The following YME1L1 variants were observed in gnomAD, a reference collection of about 807,000 sequenced individuals.
The protein encoded by YME1L1 is ATP-dependent zinc metalloprotease YME1L1.
In YME1L1, 39 loss-of-function variants were observed where a neutral mutation model predicts 90.4. The ratio of observed to expected loss-of-function variants is 0.43; its 90% CI spans 0.33 to 0.56. YME1L1 has a LOEUF of 0.56. Ranked by LOEUF, YME1L1 falls within the 20% of genes least tolerant of loss-of-function variation. The pLI, the probability that YME1L1 is intolerant of heterozygous loss-of-function variation, is 0.03. For missense variants in YME1L1, 617 were observed against 868.4 expected (o/e 0.71, Z 3.64); for synonymous variants, 284 against 287.3 (o/e 0.99, Z 0.12).
At chr10:27,151,697 C>G (rs375151816) in intron 1 of YME1L1, among the ~76,000 whole-genome samples, 1 of 151,854 alleles carries the variant, frequency 6.6e-6, no homozygotes, top group Admixed American at 6.6e-5. Flanking sequence ...CTGGCTAACA[C>G]GGTGAAACCC....
At chr10:27,112,650 A>G (rs746966464) in intron 18 of YME1L1, among the ~76,000 whole-genome samples, 1 of 152,144 alleles carries the variant, frequency 6.6e-6, no homozygotes, top group Non-Finnish European at 1.5e-5. Context: ...TCATTGTGCC[A>G]TCTGACAAAC....
intron 17 of YME1L1, 41 bp from the exon 18 acceptor site, chr10:27,114,648 C>G: frequency 6.9e-7 from 1 of 1,442,584 alleles, no homozygotes; most frequent in Non-Finnish European, 9.6e-7. Flanking sequence ...AGAAAACCCC[C>G]AAACACCAAC....
At chr10:27,113,232 A>T (rs1421742277) in intron 18 of YME1L1, among the ~76,000 whole-genome samples, 3 of 23,022 alleles carry the variant, frequency 1.3e-4, no homozygotes, top group Non-Finnish European at 2.0e-4. Flanking sequence ...AAAAAAAAAA[A>T]AAAAAAAAAA....
intron 17 of YME1L1, among the ~76,000 whole-genome samples, 193 bp from the exon 18 acceptor site, chr10:27,114,800 GGTGGATCACCTGAGGTTAGGA>G (rs1319126002): frequency 1.3e-5 from 2 of 152,160 alleles, no homozygotes; most frequent in African/African-American, 4.8e-5. Flanking sequence ...GGCCGAGGCG[GGTGGATCACCTGAGGTTAGGA>G]GTTCGAGACC....
Position 27,134,965 on chromosome 10 carries a change from T to C in YME1L1, c.557A>G (p.Asp186Gly). The C allele has an allele frequency of 6.2e-7, 1 of 1,612,536 alleles. No homozygotes were observed. The change falls in exon 6 of 19, where the codon GAC becomes GGC. Residue 186 changes from aspartate to glycine, a missense_variant. Physicochemically the swap from Asp to Gly is moderately conservative, Grantham distance 94. Around this residue, in one of 4 missense-constraint regions of YME1L1, gnomAD observed 311 missense variants for 335.8 expected, o/e 0.93. Transcript: ENST00000376016. ...CAAACTCTCAACATCTGATCCTCTG[T>C]CCCGCAAAAGAAACCCCTGAATACA... Reference protein sequence around the residue: ...PSFVKGFLLRDRGSDVESLDK... With the variant: ...PSFVKGFLLRGRGSDVESLDK...
intron 14 of YME1L1, among the ~76,000 whole-genome samples, chr10:27,118,437 C>T (rs966266490): frequency 1.6e-4 from 24 of 152,022 alleles, no homozygotes; most frequent in African/African-American, 5.6e-4. Context: ...GCATGCCACC[C>T]CACCCAACTA....
chr10:27,113,478 C>T (rs2056780566), intron 18 of YME1L1, among the ~76,000 whole-genome samples: 1 of 151,288 alleles, frequency 6.6e-6, no homozygotes, highest in South Asian at 2.1e-4. Flanking sequence ...TGAGATCAGC[C>T]TGGCCAACAT....
intron 1 of YME1L1, chr10:27,153,399 T>TA (rs1387404148): frequency 3.0e-6 from 1 of 332,370 alleles, no homozygotes; most frequent in African/African-American, 2.2e-5. Context: ...AATTATGTTT[T>TA]AAAAAAACTC....
chr10:27,148,876 CT>C, intron 2 of YME1L1, 29 bp downstream of exon 2: 1 of 1,611,818 alleles, frequency 6.2e-7, no homozygotes, highest in Non-Finnish European at 8.5e-7. Flanking sequence ...ATCAAAAAGG[CT>C]TTCTCACACA....
At chr10:27,143,699 T>TC (rs375512053) in intron 3 of YME1L1, among the ~76,000 whole-genome samples, 2 of 134,326 alleles carry the variant, frequency 1.5e-5, no homozygotes, top group Non-Finnish European at 3.1e-5. Context: ...CTCGTCTCTT[T>TC]AAAAAAAAAA....
intron 12 of YME1L1, among the ~76,000 whole-genome samples, chr10:27,120,843 T>C (rs1273778060): frequency 6.6e-6 from 1 of 152,174 alleles, no homozygotes; most frequent in Non-Finnish European, 1.5e-5. Flanking sequence ...CAACAAACTA[T>C]TATGAGAACC....
At chr10:27,114,962 G>A (rs1312284943) in intron 17 of YME1L1, among the ~76,000 whole-genome samples, 1 of 151,506 alleles carries the variant, frequency 6.6e-6, no homozygotes, top group African/African-American at 2.4e-5. Context: ...AGGAGGCGGT[G>A]GTTGCAGTAA....
chr10:27,133,897 T>TG (rs758125754), intron 7 of YME1L1, 142 bp downstream of exon 7: 37 of 477,674 alleles, frequency 7.7e-5, no homozygotes, highest in Non-Finnish European at 1.2e-4. Flanking sequence ...TCTGGGAAAC[T>TG]AACCACTACT....
chr10:27,116,341 G>A lies in YME1L1; in HGVS notation c.1724C>T (p.Ser575Phe). The change falls in exon 16 of 19, where the codon TCC (serine) becomes TTC (phenylalanine). Residue 575 changes from serine to phenylalanine, a missense_variant. Ser to Phe is a radical substitution (Grantham distance 155). Around this residue, in one of 4 missense-constraint regions of YME1L1, gnomAD observed 212 missense variants for 330.0 expected, o/e 0.64. Coordinates refer to ENST00000376016, the MANE Select transcript of YME1L1 (RefSeq NM_014263.4). ...MPRGPTLGHVSLLPENDRWNE... is the reference protein window; with the variant it reads ...MPRGPTLGHVFLLPENDRWNE... ...CCATCTGTCATTCTCAGGTAACAGGGACACCTAGACAATTAAAAATTAATC... is the reference window on the plus strand; with the variant it reads ...CCATCTGTCATTCTCAGGTAACAGGAACACCTAGACAATTAAAAATTAATC... 6.2e-7 allele frequency: 1 copy of A among 1,612,940 alleles called. No individual in the cohort carries two copies. Among genetic ancestry groups the A allele is most frequent in the Non-Finnish European group, 8.5e-7 (1 of 1,179,788 alleles).
intron 4 of YME1L1, among the ~76,000 whole-genome samples, chr10:27,140,169 T>C (rs916664347): frequency 1.3e-5 from 2 of 152,008 alleles, no homozygotes; most frequent in South Asian, 2.1e-4. Flanking sequence ...CTGGCTAATT[T>C]TGTATTTCTT....
rs764613566 is a variant in YME1L1, at chr10:27,117,591, C to T, written c.1704G>A (p.Gly568=). Residue 568 remains glycine, a synonymous_variant, in exon 15 of 19, where the codon GGG becomes GGA. Coordinates refer to ENST00000376016, the MANE Select transcript of YME1L1 (RefSeq NM_014263.4). The stretch of plus-strand genomic sequence containing the variant: ...AAAAACTTACATGTCCAAGTGTTGG[C>T]CCCCGTGGCATGATTGTAGCTTTGT... ...PINKATIMPR[G]PTLGHVSLLP... is the part of the protein sequence containing the mutation. 2 of 1,613,650 alleles carry T rather than the reference C, an allele frequency of 1.2e-6. No homozygotes were observed. Among genetic ancestry groups the T allele is most frequent in the Middle Eastern group, 1.7e-4 (1 of 5,816 alleles).
chr10:27,140,280 C>T (rs2057073493), intron 4 of YME1L1, among the ~76,000 whole-genome samples: 2 of 152,176 alleles, frequency 1.3e-5, no homozygotes, highest in Non-Finnish European at 2.9e-5. Flanking sequence ...GCTGGGATTA[C>T]AGGCATAAGC....
At chr10:27,134,632 T>G (rs1473343305) in intron 6 of YME1L1, among the ~76,000 whole-genome samples, 199 bp downstream of exon 6, 1 of 152,238 alleles carries the variant, frequency 6.6e-6, no homozygotes, top group African/African-American at 2.4e-5. Flanking sequence ...CCATTCACAC[T>G]TCCTGTTCTC....
chr10:27,119,210 C>T (rs1463180494), intron 14 of YME1L1, 84 bp downstream of exon 14: 4 of 1,284,242 alleles, frequency 3.1e-6, no homozygotes, highest in Non-Finnish European at 1.0e-6. Context: ...ATGGCTTTAG[C>T]TGTTTGAATA....
Sources: gnomAD v4.1 joint callset for allele counts (sites outside exome capture counted in the v4.1 genomes callset) on GRCh38, gnomAD v4.1.1 for gene constraint, gnomAD v4.1.1 regional missense constraint, MANE v1.5 for transcripts, NCBI Gene and HGNC (gene_info 2026-07-23, HGNC 2026-07-21) for gene names.